The following TPD52L1 variants were observed in gnomAD, a reference collection of about 807,000 sequenced individuals.
TPD52L1 encodes tumor protein D53.
In TPD52L1, 18 loss-of-function variants were observed where a neutral mutation model predicts 28.7. The ratio of observed to expected loss-of-function variants is 0.63; its 90% CI spans 0.43 to 0.93. The LOEUF (loss-of-function observed/expected upper bound fraction) is 0.93. TPD52L1 is among the 40% of genes least tolerant of loss of function. The pLI is 0.00. For missense variants in TPD52L1, 203 were observed against 254.8 expected (o/e 0.80, Z 1.39); for synonymous variants, 75 against 88.8 (o/e 0.84, Z 0.88).
chr6:125,222,952 G>A (rs1248682740), intron 2 of TPD52L1, among the ~76,000 whole-genome samples: 1 of 152,172 alleles, frequency 6.6e-6, no homozygotes, highest in Non-Finnish European at 1.5e-5. Context: ...AGCAATATAT[G>A]AAAAATGCTG....
intron 1 of TPD52L1, among the ~76,000 whole-genome samples, chr6:125,208,624 T>A (rs2114923652): frequency 6.6e-6 from 1 of 152,254 alleles, no homozygotes; most frequent in African/African-American, 2.4e-5. Flanking sequence ...CCAGGCACAG[T>A]AAGTACGTTT....
chr6:125,184,332 A>G (rs1792438738), intron 1 of TPD52L1, among the ~76,000 whole-genome samples: 1 of 152,170 alleles, frequency 6.6e-6, no homozygotes, highest in South Asian at 2.1e-4. Context: ...TTTTGACACC[A>G]CATAGTTAGG....
chr6:125,181,867 C>T (rs979690051), intron 1 of TPD52L1, among the ~76,000 whole-genome samples: 2 of 152,216 alleles, frequency 1.3e-5, no homozygotes, highest in African/African-American at 4.8e-5. Flanking sequence ...TTAGATTCTG[C>T]ACTGACTCCA....
At chr6:125,228,647 C>T (rs570214836) in intron 2 of TPD52L1, among the ~76,000 whole-genome samples, 1 of 152,220 alleles carries the variant, frequency 6.6e-6, no homozygotes, top group Admixed American at 6.5e-5. Context: ...TTGAGACCAG[C>T]CTGGTCAACA....
intron 4 of TPD52L1, 51 bp from the exon 5 acceptor site, chr6:125,253,666 G>T (rs1797412684): frequency 6.5e-7 from 1 of 1,541,064 alleles, no homozygotes; most frequent in African/African-American, 1.4e-5. Context: ...GTACTTATGT[G>T]TGCTCTCTTC....
At chr6:125,240,197 A>G (rs965993389) in intron 3 of TPD52L1, among the ~76,000 whole-genome samples, 5 of 152,138 alleles carry the variant, frequency 3.3e-5, no homozygotes, top group African/African-American at 1.2e-4. Flanking sequence ...CTATTTTTAT[A>G]CCAGTACCAT....
chr6:125,215,614 G>A (rs1016257413), intron 1 of TPD52L1, among the ~76,000 whole-genome samples: 3 of 152,186 alleles, frequency 2.0e-5, no homozygotes, highest in Non-Finnish European at 4.4e-5. Context: ...ATGTCTCTGA[G>A]GAGTGGGATG....
At chr6:125,156,172 A>G (rs1389601484) in intron 1 of TPD52L1, among the ~76,000 whole-genome samples, 2 of 152,126 alleles carry the variant, frequency 1.3e-5, no homozygotes, top group Admixed American at 6.5e-5. Context: ...GATTTAATAA[A>G]TACTTAAGAG....
At position 125,229,208 on chromosome 6, in the gene TPD52L1, A is replaced by T. The variant is rs908377037; in HGVS notation, c.226A>T (p.Met76Leu). ...EIKQKLGMNLMNELKQNFSKS... is the reference protein window; with the variant it reads ...EIKQKLGMNLLNELKQNFSKS... ...AAAACAAAAACTCGGCATGAACCTG[A>T]TGAATGAATTAAAACAGAACTTCAG... The change falls in exon 3 of 7, where the codon ATG becomes TTG. Residue 76 changes from methionine to leucine, a missense_variant. Met to Leu is a conservative substitution (Grantham distance 15, BLOSUM62 2). Transcript: ENST00000534000. 25 of 1,613,676 alleles carry T rather than the reference A, an allele frequency of 1.5e-5. No homozygotes were observed. The highest frequency in any genetic ancestry group is 2.0e-5 in the Non-Finnish European group (24 of 1,179,838).
At chr6:125,227,120 T>TA in intron 2 of TPD52L1, among the ~76,000 whole-genome samples, 1 of 152,272 alleles carries the variant, frequency 6.6e-6, no homozygotes, top group African/African-American at 2.4e-5. Context: ...CATGTACATA[T>TA]AAAAAATGTT....
At chr6:125,195,227 C>G (rs1793348567) in intron 1 of TPD52L1, among the ~76,000 whole-genome samples, 1 of 152,130 alleles carries the variant, frequency 6.6e-6, no homozygotes, top group Non-Finnish European at 1.5e-5. Context: ...AAGATGGCAG[C>G]AGGTTTTTGT....
At chr6:125,169,000 T>C (rs1194824701) in intron 1 of TPD52L1, among the ~76,000 whole-genome samples, 1 of 152,168 alleles carries the variant, frequency 6.6e-6, no homozygotes, top group East Asian at 1.9e-4. Flanking sequence ...CCTCTTTCTT[T>C]GTGCCCTCCC....
intron 3 of TPD52L1, among the ~76,000 whole-genome samples, chr6:125,232,462 G>A (rs7763782): frequency 0.2 from 30,446 of 151,900 alleles, 3,482 homozygotes; most frequent in East Asian, 0.41. Context: ...GACAAAATCT[G>A]CACCTCATCT....
In TPD52L1 at chr6:125,174,603, G is replaced by T. The variant is rs997205057; in HGVS notation, c.19+20633G>T. 3.3e-5 allele frequency among the ~76,000 whole-genome samples: 5 copies of T among 152,184 alleles called. No homozygotes were observed. In the East Asian group the frequency reaches 5.8e-4, roughly 18 times the overall value. On this transcript the variant is annotated intron_variant, in intron 1 of 6. Transcript: ENST00000534000. ...TCCTTCTTTATTTACTAGGATGAAAGCTTAAAGATTTGCATAGCAGATATA... is the reference window on the plus strand; with the variant it reads ...TCCTTCTTTATTTACTAGGATGAAATCTTAAAGATTTGCATAGCAGATATA...
At chr6:125,183,713 A>G (rs150147679) in intron 1 of TPD52L1, among the ~76,000 whole-genome samples, 1 of 152,130 alleles carries the variant, frequency 6.6e-6, no homozygotes, top group African/African-American at 2.4e-5. Context: ...AAATCTGTGA[A>G]GGTGACTAAT....
intron 1 of TPD52L1, among the ~76,000 whole-genome samples, chr6:125,190,684 G>GTGAC (rs1464653596): frequency 1.3e-5 from 2 of 152,170 alleles, no homozygotes; most frequent in African/African-American, 2.4e-5. Context: ...ATGGAAGACA[G>GTGAC]TGACACCATC....
intron 1 of TPD52L1, among the ~76,000 whole-genome samples, chr6:125,193,981 A>T (rs1793231274): frequency 6.7e-6 from 1 of 149,690 alleles, no homozygotes; most frequent in African/African-American, 2.5e-5. Flanking sequence ...AATCATAATG[A>T]TTCAGATAAA....
At chr6:125,235,186 C>A (rs1195123697) in intron 3 of TPD52L1, among the ~76,000 whole-genome samples, 1 of 151,618 alleles carries the variant, frequency 6.6e-6, no homozygotes, top group African/African-American at 2.4e-5. Context: ...AAGACTCAGG[C>A]TCCTAGCTTC....
chr6:125,262,449 T>A (rs1798114631), intron 6 of TPD52L1: 1 of 156,330 alleles, frequency 6.4e-6, no homozygotes, highest in African/African-American at 2.4e-5. Flanking sequence ...GTAAGGATGT[T>A]TATACATTTG....
Sources: allele counts gnomAD v4.1 joint callset (sites outside exome capture counted in the v4.1 genomes callset), GRCh38; gene constraint gnomAD v4.1.1; transcripts MANE v1.5; gene names NCBI Gene and HGNC (gene_info 2026-07-23, HGNC 2026-07-21).